XKR4: variants seen among roughly 807,000 people sequenced by gnomAD.
XKR4 encodes XK related 4, also known as XK-related protein 4.
Under a neutral mutation model 53.9 loss-of-function variants are expected in XKR4, and 12 were observed. The ratio of observed to expected loss-of-function variants is 0.22; its 90% CI spans 0.14 to 0.36. The LOEUF is 0.36. Ranked by LOEUF, XKR4 falls within the 10% of genes least tolerant of loss-of-function variation. The probability of loss-of-function intolerance (pLI) is 1.00; values close to 1 mark genes in which losing one functional copy is unlikely to be tolerated. For missense variants in XKR4, 799 were observed against 859.5 expected (o/e 0.93, Z 0.88); for synonymous variants, 354 against 362.4 (o/e 0.98, Z 0.26).
intron 1 of XKR4, among the ~76,000 whole-genome samples, chr8:55,142,813 A>G (rs1271932002): frequency 1.3e-5 from 2 of 152,224 alleles, no homozygotes; most frequent in Non-Finnish European, 2.9e-5. Context: ...ACATACGTGC[A>G]CAAACAAACA....
chr8:55,404,334 A>T (rs1252590062), intron 2 of XKR4, among the ~76,000 whole-genome samples: 2 of 152,202 alleles, frequency 1.3e-5, no homozygotes, highest in African/African-American at 4.8e-5. Context: ...TGAATTTTAT[A>T]ATAAAAAATA....
chr8:55,444,725 A>C (rs983968521), intron 2 of XKR4, among the ~76,000 whole-genome samples: 28 of 152,216 alleles, frequency 1.8e-4, no homozygotes, highest in Non-Finnish European at 3.2e-4. Flanking sequence ...GCTAATGGGA[A>C]TGTATGTTAC....
intron 2 of XKR4, among the ~76,000 whole-genome samples, chr8:55,509,139 G>T (rs1806585525): frequency 6.6e-6 from 1 of 152,150 alleles, no homozygotes; most frequent in African/African-American, 2.4e-5. Flanking sequence ...TAGTTGGGGA[G>T]CACTGCCTCT....
At chr8:55,360,113 A>T (rs16921662) in intron 2 of XKR4, among the ~76,000 whole-genome samples, 3,737 of 152,330 alleles carry the variant, frequency 0.025, 157 homozygotes, top group African/African-American at 0.083. Flanking sequence ...AATGCAAGTC[A>T]TTGAGTCAAG....
At chr8:55,506,166 C>T (rs919748209) in intron 2 of XKR4, among the ~76,000 whole-genome samples, 12 of 152,320 alleles carry the variant, frequency 7.9e-5, no homozygotes, top group African/African-American at 2.2e-4. Context: ...CCCTCTCCCA[C>T]GAATGCATGA....
chr8:55,521,242 T>C (rs1019914797), intron 2 of XKR4, among the ~76,000 whole-genome samples: 20 of 152,250 alleles, frequency 1.3e-4, no homozygotes, highest in Admixed American at 2.0e-4. Flanking sequence ...TATGAGCGGC[T>C]TCTATGCCCT....
chr8:55,348,655 A>G (rs147107759), intron 1 of XKR4, among the ~76,000 whole-genome samples: 96 of 151,704 alleles, frequency 6.3e-4, no homozygotes, highest in African/African-American at 2.2e-3. Flanking sequence ...GATAATGGAT[A>G]GGTAGATGAT....
chr8:55,227,857 C>T (rs539288729), intron 1 of XKR4, among the ~76,000 whole-genome samples: 98 of 152,328 alleles, frequency 6.4e-4, no homozygotes, highest in Non-Finnish European at 9.4e-4. Flanking sequence ...TCTATGAATC[C>T]ATGGCTTTTG....
intron 2 of XKR4, chr8:55,454,895 G>T: frequency 2.6e-6 from 2 of 766,964 alleles, no homozygotes; most frequent in South Asian, 2.8e-5. Context: ...CCTGCTCCCA[G>T]AAGGTCAAGC....
intron 1 of XKR4, among the ~76,000 whole-genome samples, chr8:55,328,120 G>C (rs1803321701): frequency 6.6e-6 from 1 of 152,102 alleles, no homozygotes; most frequent in Admixed American, 6.6e-5. Context: ...ACTATCAAGA[G>C]AACAGCATGG....
intron 1 of XKR4, among the ~76,000 whole-genome samples, chr8:55,268,538 A>G (rs1427940061): frequency 6.6e-6 from 1 of 152,192 alleles, no homozygotes. Flanking sequence ...AATTCAGCAG[A>G]TATTTACTAC....
chr8:55,357,433 C>A lies in XKR4; in HGVS notation c.807-245C>A, dbSNP rs536006595. On this transcript the variant is annotated intron_variant, in intron 1 of 2. Coordinates refer to ENST00000327381, the MANE Select transcript of XKR4 (RefSeq NM_052898.2). ...TTCCACCACATTCCACCTCACGCTTCTTCATATTGCAATTGAGCAGAAGGT... is the reference window on the plus strand; with the variant it reads ...TTCCACCACATTCCACCTCACGCTTATTCATATTGCAATTGAGCAGAAGGT... Among the ~76,000 whole-genome samples the A allele has an allele frequency of 1.0e-3, 156 of 152,314 alleles. 1 individual carries two copies. Among genetic ancestry groups the A allele is most frequent in the African/African-American group, 3.5e-3 (145 of 41,570 alleles).
intron 1 of XKR4, among the ~76,000 whole-genome samples, chr8:55,137,017 T>C (rs1253615623): frequency 2.6e-5 from 4 of 152,204 alleles, no homozygotes; most frequent in Non-Finnish European, 5.9e-5. Flanking sequence ...AATGAATATA[T>C]GGCCTTAACT....
intron 1 of XKR4, among the ~76,000 whole-genome samples, chr8:55,281,779 A>G (rs186839888): frequency 7.9e-5 from 12 of 152,312 alleles, no homozygotes; most frequent in African/African-American, 2.4e-4. Context: ...AATCCTTAGT[A>G]TGATTTTTTC....
chr8:55,243,227 C>G (rs1818236182), intron 1 of XKR4, among the ~76,000 whole-genome samples: 1 of 152,162 alleles, frequency 6.6e-6, no homozygotes, highest in South Asian at 2.1e-4. Context: ...TAGGTTCACT[C>G]TTCGTGGTGT....
chr8:55,233,392 T>C lies in XKR4; in HGVS notation c.807-124286T>C, dbSNP rs4737957. The stretch of plus-strand genomic sequence containing the variant: ...CCCACTGGGGCCATCTGATCTTTTT[T>C]TTTTTTTAAACCAGGTCAAAGTTAT... On this transcript the variant is annotated intron_variant, in intron 1 of 2. Transcript: ENST00000327381. Among the ~76,000 whole-genome samples the C allele has an allele frequency of 2.7e-3, 407 of 152,232 alleles. 5 individuals carry two copies. Among genetic ancestry groups the C allele is most frequent in the Admixed American group, 0.018 (276 of 15,294 alleles).
chr8:55,466,825 TA>T (rs1277326684), intron 2 of XKR4, among the ~76,000 whole-genome samples: 1 of 152,168 alleles, frequency 6.6e-6, no homozygotes, highest in African/African-American at 2.4e-5. Context: ...TAAACATCCT[TA>T]TACATTTATT....
chr8:55,348,529 G>C lies in XKR4; in HGVS notation c.807-9149G>C, dbSNP rs375975861. ...AGTGTGCAAAGGGTCATTTTCCAGG[G>C]ACTGGCTGTCAGCCATCCTCCTCTC... On this transcript the variant is annotated intron_variant, in intron 1 of 2. Transcript: ENST00000327381. Among the ~76,000 whole-genome samples the C allele has an allele frequency of 7.9e-5, 12 of 152,292 alleles. No individual in the cohort carries two copies. The Middle Eastern group carries it at 0.01, about 130-fold the overall frequency.
intron 1 of XKR4, among the ~76,000 whole-genome samples, chr8:55,355,394 T>C (rs1159758855): frequency 1.3e-5 from 2 of 152,094 alleles, no homozygotes; most frequent in Non-Finnish European, 2.9e-5. Context: ...ATAGCATATA[T>C]AATCAAGAGG....
Sources: gnomAD v4.1 joint callset for allele counts (sites outside exome capture counted in the v4.1 genomes callset) on GRCh38, gnomAD v4.1.1 for gene constraint, MANE v1.5 for transcripts, NCBI Gene and HGNC (gene_info 2026-07-23, HGNC 2026-07-21) for gene names.